TLE1: variants seen among roughly 807,000 people sequenced by gnomAD.
TLE1 encodes transducin-like enhancer protein 1.
A neutral mutation model predicts 89.8 loss-of-function variants in TLE1; 21 were observed. That is an observed-to-expected ratio of 0.23 (90% CI 0.17 to 0.34). The LOEUF is 0.34. TLE1 is among the 10% of genes least tolerant of loss of function. TLE1 has a pLI of 1.00. For missense variants in TLE1, 795 were observed against 1,031.2 expected, an observed-to-expected ratio of 0.77 and a Z score of 3.14; for synonymous variants, 447 against 407.6, an observed-to-expected ratio of 1.10 and a Z score of -1.16.
intron 16 of TLE1, among the ~76,000 whole-genome samples, chr9:81,588,432 A>G (rs976060936): frequency 1.3e-5 from 2 of 152,136 alleles, no homozygotes; most frequent in African/African-American, 4.8e-5. Flanking sequence ...GGACTCCCAG[A>G]GACAAAGGGT....
At chr9:81,601,035 C>G (rs1830851201) in intron 14 of TLE1, among the ~76,000 whole-genome samples, 1 of 152,172 alleles carries the variant, frequency 6.6e-6, no homozygotes, top group Admixed American at 6.5e-5. Context: ...GTGAGCCAAT[C>G]CCTCCAAATA....
chr9:81,623,287 T>C (rs1825507805), intron 8 of TLE1, among the ~76,000 whole-genome samples: 1 of 152,134 alleles, frequency 6.6e-6, no homozygotes, highest in African/African-American at 2.4e-5. Flanking sequence ...GTCATTTTGA[T>C]GGCCATTAAG....
At chr9:81,685,654 T>C in intron 4 of TLE1, 22 bp downstream of exon 4, 3 of 1,611,832 alleles carry the variant, frequency 1.9e-6, no homozygotes, top group Non-Finnish European at 2.5e-6. Flanking sequence ...TCATTTCAGC[T>C]TGAAGTTCAA....
chr9:81,584,823 G>A (rs1415419045), intron 18 of TLE1, among the ~76,000 whole-genome samples: 1 of 152,102 alleles, frequency 6.6e-6, no homozygotes, highest in African/African-American at 2.4e-5. Context: ...TTCTATTTTA[G>A]TCAGTCTCCT....
chr9:81,675,941 CG>C (rs965728981), intron 4 of TLE1, among the ~76,000 whole-genome samples: 27 of 151,902 alleles, frequency 1.8e-4, no homozygotes, highest in African/African-American at 6.5e-4. Context: ...CCTCGTGATC[CG>C]CCCGCCTCAG....
At chr9:81,687,616 C>G (rs1834481322) in intron 1 of TLE1, among the ~76,000 whole-genome samples, 182 bp from the exon 2 acceptor site, 2 of 152,164 alleles carry the variant, frequency 1.3e-5, no homozygotes, top group South Asian at 4.1e-4. Context: ...CTCCCCGGGC[C>G]CCGGCTTCTA....
intron 4 of TLE1, among the ~76,000 whole-genome samples, chr9:81,675,107 C>T (rs996317643): frequency 6.6e-6 from 1 of 152,150 alleles, no homozygotes; most frequent in Admixed American, 6.6e-5. Context: ...TCAAGTCCTT[C>T]CAAATTCCCC....
rs1834660808 is a variant in TLE1, at chr9:81,688,435, G to A, written c.-195C>T. 1.9e-6 allele frequency: 1 copy of A among 536,676 alleles called. No individual in the cohort carries two copies. Among genetic ancestry groups the A allele is most frequent in the Non-Finnish European group, 3.1e-6 (1 of 321,946 alleles). 33.2% of individuals were successfully genotyped at this position (536,676 alleles called of 1,614,324 possible). On this transcript the variant is annotated 5_prime_UTR_variant, in exon 1 of 20. Coordinates refer to ENST00000376499, the MANE Select transcript of TLE1 (RefSeq NM_005077.5). ...TGCTCCGGCTCCCGCTCCCGTCGGT[G>A]CGGGCTCCGGCCCTCAGGGCCACAT... is the stretch of plus-strand genomic sequence containing the variant.
intron 4 of TLE1, among the ~76,000 whole-genome samples, chr9:81,676,088 C>T (rs1377594395): frequency 1.1e-4 from 16 of 152,092 alleles, no homozygotes; most frequent in Admixed American, 8.5e-4. Context: ...CAGCCAAAAT[C>T]GTTGGGCAAA....
rs1015726688 is a variant in TLE1 at position 81,609,065 on chromosome 9, CCCTTTCCTCTCCTCT to C, written c.1331+1140_1331+1154del. Reference sequence around the variant, plus strand: ...TTGCAAAGACCTGCCCCCTCCCCTCCCCTTTCCTCTCCTCTCCTTTCCTTTCCTTTCCTTTTTGAG... The same window carrying C: ...TTGCAAAGACCTGCCCCCTCCCCTCCCCTTTCCTTTCCTTTCCTTTTTGAG... On this transcript the variant is annotated intron_variant, in intron 14 of 19. Transcript: ENST00000376499. Among the ~76,000 whole-genome samples, 352 of 152,146 alleles carry C rather than the reference CCCTTTCCTCTCCTCT, an allele frequency of 2.3e-3. 2 individuals are homozygous for C. Among genetic ancestry groups the C allele is most frequent in the African/African-American group, 8.2e-3 (342 of 41,536 alleles).
At chr9:81,610,851 C>A (rs555018141) in intron 13 of TLE1, among the ~76,000 whole-genome samples, 1 of 148,526 alleles carries the variant, frequency 6.7e-6, no homozygotes, top group South Asian at 2.1e-4. Context: ...TAATTTAATG[C>A]TTAAGGATTC....
intron 14 of TLE1, among the ~76,000 whole-genome samples, chr9:81,600,436 GAGTT>G (rs1830759660): frequency 6.6e-6 from 1 of 152,054 alleles, no homozygotes; most frequent in African/African-American, 2.4e-5. Flanking sequence ...CTGAGCTCAG[GAGTT>G]TGAGGTCACC....
chr9:81,600,014 C>A lies in TLE1; in HGVS notation c.1332-6740G>T, dbSNP rs143750833. ...CTAAGTTGATAAATGAGGAAGTATT[C>A]CAGCCAAAGTCAACATTTAAGATTC... On this transcript the variant is annotated intron_variant, in intron 14 of 19. Coordinates refer to ENST00000376499, the MANE Select transcript of TLE1 (RefSeq NM_005077.5). 8.6e-4 allele frequency: 572 copies of A among 662,808 alleles called. 1 individual carries two copies. In the African/African-American group the frequency reaches 8.9e-3, roughly 10 times the overall value. The allele number at this position is 662,808 out of a possible 1,614,324, so 41.1% of individuals were successfully genotyped here. A position where few individuals can be genotyped will look rare whatever the true frequency, so the allele number is the denominator to read the frequency against.
At chr9:81,595,127 T>G (rs904086744) in intron 14 of TLE1, among the ~76,000 whole-genome samples, 7 of 152,118 alleles carry the variant, frequency 4.6e-5, no homozygotes, top group Non-Finnish European at 8.8e-5. Context: ...TAAATACACA[T>G]ATAAAAACAA....
chr9:81,601,951 T>A (rs1015123222), intron 14 of TLE1, among the ~76,000 whole-genome samples: 1 of 152,050 alleles, frequency 6.6e-6, no homozygotes, highest in Non-Finnish European at 1.5e-5. Flanking sequence ...TCCATCCTCC[T>A]GGGGAGGAAG....
chr9:81,610,242 C>T lies in TLE1; in HGVS notation c.1309G>A (p.Ala437Thr). Reference protein sequence around the residue: ...MRVPTIPPNLAGIPGGKPAYS... With the variant: ...MRVPTIPPNLTGIPGGKPAYS... ...TACGGTTTCCCCCCAGGGATTCCTG[C>T]CAGGTTTGGAGGAATGGTAGGTACT... Residue 437 changes from alanine to threonine, a missense_variant, in exon 14 of 20, where the codon GCA becomes ACA. Coordinates refer to ENST00000376499, the MANE Select transcript of TLE1 (RefSeq NM_005077.5). 6.2e-7 allele frequency: 1 copy of T among 1,613,954 alleles called. No homozygotes were observed. Among genetic ancestry groups the T allele is most frequent in the East Asian group, 2.2e-5 (1 of 44,868 alleles).
chr9:81,617,133 CAA>C (rs56692367), intron 9 of TLE1, among the ~76,000 whole-genome samples: 49,277 of 123,942 alleles, frequency 0.4, 7,792 homozygotes, highest in Non-Finnish European at 0.48. Context: ...CTAGTTAATG[CAA>C]AAAAAAAAAA....
intron 4 of TLE1, among the ~76,000 whole-genome samples, chr9:81,658,292 C>G (rs1391386327): frequency 6.6e-6 from 1 of 152,022 alleles, no homozygotes; most frequent in African/African-American, 2.4e-5. Context: ...CCCACAGATA[C>G]AAAGGGCCGA....
chr9:81,586,706 T>C (rs978986631), intron 17 of TLE1, among the ~76,000 whole-genome samples: 2 of 152,170 alleles, frequency 1.3e-5, no homozygotes, highest in Non-Finnish European at 2.9e-5. Flanking sequence ...ATGTGGCATT[T>C]ATTGTACAAT....
Sources: allele counts gnomAD v4.1 joint callset (sites outside exome capture counted in the v4.1 genomes callset), GRCh38; gene constraint gnomAD v4.1.1; transcripts MANE v1.5; gene names NCBI Gene and HGNC (gene_info 2026-07-23, HGNC 2026-07-21).